The following CLINT1 variants were observed in gnomAD, a reference collection of about 807,000 sequenced individuals.
CLINT1 encodes clathrin interactor 1.
Under a neutral mutation model 70.4 loss-of-function variants are expected in CLINT1, and 15 were observed. That is an observed-to-expected ratio of 0.21 (90% CI 0.14 to 0.33). The LOEUF is 0.33. Ranked by LOEUF, CLINT1 falls within the 10% of genes least tolerant of loss-of-function variation. The probability of loss-of-function intolerance (pLI) is 1.00; values close to 1 mark genes in which losing one functional copy is unlikely to be tolerated. For missense variants in CLINT1, 615 were observed against 778.1 expected (o/e 0.79, Z 2.49); for synonymous variants, 227 against 254.7 (o/e 0.89, Z 1.04).
chr5:157,842,925 C>T (rs1418875978), intron 1 of CLINT1, among the ~76,000 whole-genome samples: 1 of 152,144 alleles, frequency 6.6e-6, no homozygotes. Context: ...CTTATTTGCT[C>T]TTTAAAGTTA....
chr5:157,824,411 G>T (rs954762343), intron 1 of CLINT1, among the ~76,000 whole-genome samples: 9 of 152,052 alleles, frequency 5.9e-5, no homozygotes, highest in African/African-American at 2.2e-4. Context: ...CATTGTTAAC[G>T]AAATATCTGA....
At chr5:157,803,036 A>C (rs1762276479) in intron 8 of CLINT1, among the ~76,000 whole-genome samples, 1 of 152,234 alleles carries the variant, frequency 6.6e-6, no homozygotes, top group South Asian at 2.1e-4. Flanking sequence ...CTGGTTCAAC[A>C]AATATTTGTT....
intron 7 of CLINT1, among the ~76,000 whole-genome samples, chr5:157,803,920 TAA>T (rs1293561499): frequency 6.6e-6 from 1 of 152,036 alleles, no homozygotes; most frequent in Non-Finnish European, 1.5e-5. Context: ...CCCAGCAGTG[TAA>T]AAGTCTCTTA....
chr5:157,796,776 T>C (rs1762079188), intron 8 of CLINT1, among the ~76,000 whole-genome samples: 1 of 152,360 alleles, frequency 6.6e-6, no homozygotes, highest in South Asian at 2.1e-4. Flanking sequence ...AATCAGTTTC[T>C]GATATGTGTG....
intron 5 of CLINT1, among the ~76,000 whole-genome samples, chr5:157,811,113 G>A (rs1411950648): frequency 4.6e-5 from 7 of 152,016 alleles, no homozygotes; most frequent in Non-Finnish European, 1.0e-4. Flanking sequence ...ACCAGACTTC[G>A]GAAAGAAACA....
chr5:157,855,609 C>T (rs967861106), intron 1 of CLINT1, among the ~76,000 whole-genome samples: 2 of 152,130 alleles, frequency 1.3e-5, no homozygotes, highest in Non-Finnish European at 2.9e-5. Context: ...GGAGGTGCAG[C>T]GATTGTGGAA....
intron 8 of CLINT1, chr5:157,795,999 T>C (rs1392713256): frequency 6.6e-6 from 1 of 152,192 alleles, no homozygotes; most frequent in Non-Finnish European, 1.5e-5. Flanking sequence ...GCGCTCCAGA[T>C]TGGGCAACAC....
intron 5 of CLINT1, among the ~76,000 whole-genome samples, chr5:157,811,363 G>A (rs747262196): frequency 7.2e-5 from 11 of 151,898 alleles, no homozygotes; most frequent in Admixed American, 4.6e-4. Context: ...CCAACATGGC[G>A]AAACCCTAAA....
chr5:157,828,721 A>G (rs1320805013), intron 1 of CLINT1, among the ~76,000 whole-genome samples: 1 of 152,046 alleles, frequency 6.6e-6, no homozygotes, highest in Non-Finnish European at 1.5e-5. Flanking sequence ...GGCTGATTTA[A>G]TTTTGCTGGG....
chr5:157,803,616 C>G (rs1456112814), intron 8 of CLINT1, 34 bp downstream of exon 8: 1 of 1,391,428 alleles, frequency 7.2e-7, no homozygotes, highest in African/African-American at 1.5e-5. Flanking sequence ...AAATGACTCT[C>G]AAACCAAAAG....
intron 5 of CLINT1, among the ~76,000 whole-genome samples, chr5:157,810,378 G>A (rs180765462): frequency 1.3e-5 from 2 of 152,220 alleles, no homozygotes; most frequent in East Asian, 1.9e-4. Flanking sequence ...AAAGCATTCC[G>A]TAATTACTGT....
At position 157,810,771 on chromosome 5, in the gene CLINT1, A is replaced by G. The variant is rs182843433; in HGVS notation, c.518-966T>C. 3.3e-5 allele frequency among the ~76,000 whole-genome samples: 5 copies of G among 152,352 alleles called. No homozygotes were observed. In the East Asian group the frequency reaches 9.6e-4, roughly 29 times the overall value. On this transcript the variant is annotated intron_variant, in intron 5 of 11. Transcript: ENST00000411809. Reference sequence around the variant, plus strand: ...TAAAAATTAAGGCAGGTTGGAAGAAAATGAAAAGGACAATGAGAAACAACA... The same window carrying G: ...TAAAAATTAAGGCAGGTTGGAAGAAGATGAAAAGGACAATGAGAAACAACA...
At position 157,802,908 on chromosome 5, in the gene CLINT1, C is replaced by G. The variant is rs563864013; in HGVS notation, c.1012+742G>C. On this transcript the variant is annotated intron_variant, in intron 8 of 11. Transcript: ENST00000411809. ...GAGAATGTCATTCCTCTGACTGAAG[C>G]ACTTGCCATTGTTTATCACTAGATA... Among the ~76,000 whole-genome samples, 3 of 152,322 alleles carry G rather than the reference C, an allele frequency of 2.0e-5. No homozygotes were observed. In the East Asian group the frequency reaches 5.8e-4, roughly 29 times the overall value.
intron 9 of CLINT1, among the ~76,000 whole-genome samples, chr5:157,792,286 G>A (rs554621646): frequency 4.4e-4 from 67 of 152,162 alleles, no homozygotes; most frequent in African/African-American, 1.5e-3. Flanking sequence ...GGTGGCTCAC[G>A]CCTGTAATCC....
At chr5:157,797,427 C>T (rs1249117741) in intron 8 of CLINT1, among the ~76,000 whole-genome samples, 15 of 152,010 alleles carry the variant, frequency 9.9e-5, no homozygotes. Context: ...CACTCGTCAC[C>T]CAGACTAGAG....
chr5:157,791,260 G>A (rs560447549), intron 10 of CLINT1, among the ~76,000 whole-genome samples: 16 of 152,180 alleles, frequency 1.1e-4, no homozygotes, highest in Admixed American at 2.0e-4. Flanking sequence ...GGGTTTCACC[G>A]TGTTAGCCAG....
intron 8 of CLINT1, among the ~76,000 whole-genome samples, chr5:157,799,629 G>A (rs746106698): frequency 2.6e-5 from 4 of 152,086 alleles, no homozygotes; most frequent in South Asian, 2.1e-4. Context: ...AAAGAGGTGA[G>A]ATAAACTAAA....
chr5:157,827,015 G>T (rs139145472), intron 1 of CLINT1, among the ~76,000 whole-genome samples: 385 of 152,222 alleles, frequency 2.5e-3, no homozygotes, highest in African/African-American at 8.9e-3. Context: ...AAAATTTCCA[G>T]TATTGGTTCA....
At chr5:157,841,985 C>T (rs199624789) in intron 1 of CLINT1, among the ~76,000 whole-genome samples, 1 of 152,156 alleles carries the variant, frequency 6.6e-6, no homozygotes, top group Non-Finnish European at 1.5e-5. Flanking sequence ...CAGAGCTGAA[C>T]TAGCCAATAA....
Sources: gnomAD v4.1 joint callset for allele counts (sites outside exome capture counted in the v4.1 genomes callset) on GRCh38, gnomAD v4.1.1 for gene constraint, MANE v1.5 for transcripts, NCBI Gene and HGNC (gene_info 2026-07-23, HGNC 2026-07-21) for gene names.